Variants in MAP3K9 observed in about 807,000 individuals in gnomAD.
MAP3K9 encodes the protein mixed lineage kinase 1 (tyr and ser/thr specificity).
Under a neutral mutation model 95.8 loss-of-function variants are expected in MAP3K9, and 46 were observed. That is an observed-to-expected ratio of 0.48 (90% confidence interval 0.38 to 0.61). The LOEUF (loss-of-function observed/expected upper bound fraction) is 0.61. Ranked by LOEUF, MAP3K9 falls within the 20% of genes least tolerant of loss-of-function variation. The pLI, the probability that MAP3K9 is intolerant of heterozygous loss-of-function variation, is 0.00. For synonymous variants in MAP3K9, 533 were observed against 593.8 expected (o/e 0.90, Z 1.49); for missense variants, 1,296 against 1,474.3 (o/e 0.88, Z 1.98).
Position 70,738,336 on chromosome 14 carries a change from C to T in MAP3K9, c.1753G>A (p.Glu585Lys), listed in dbSNP as rs1485126606. 1.2e-6 allele frequency: 2 copies of T among 1,614,012 alleles called. No individual in the cohort carries two copies. Among genetic ancestry groups the T allele is most frequent in the East Asian group, 4.5e-5 (2 of 44,880 alleles). ...TTTGGGGCCCTCTTCTCCTCCTCCT[C>T]CCCTTCCTCCTTTGGGACGACTGAG... ...RSSVVPKEEG[E>K]EEEKRAPKKK... Residue 585 changes from glutamate (E) to lysine (K), a missense_variant, in exon 8 of 12, where the codon GAG becomes AAG. Coordinates refer to ENST00000554752, the MANE Select transcript of MAP3K9 (RefSeq NM_001284230.2).
chr14:70,783,360 C>A, intron 2 of MAP3K9: 1 of 985,318 alleles, frequency 1.0e-6, no homozygotes, highest in Non-Finnish European at 1.2e-6. Context: ...CACAGCAACG[C>A]TTCCTCAAAT....
intron 2 of MAP3K9, among the ~76,000 whole-genome samples, chr14:70,768,454 G>C (rs748942640): frequency 3.4e-4 from 51 of 152,092 alleles, no homozygotes; most frequent in Non-Finnish European, 1.8e-4. Flanking sequence ...AAAATGCTGA[G>C]CCTAAGGCCT....
At chr14:70,735,752 G>A (rs967170360) in intron 9 of MAP3K9, among the ~76,000 whole-genome samples, 2 of 152,194 alleles carry the variant, frequency 1.3e-5, no homozygotes, top group African/African-American at 4.8e-5. Context: ...GGAGTGGTCA[G>A]TGGAGTGAAG....
At chr14:70,733,817 A>G (rs1467577903) in intron 10 of MAP3K9, 3 of 718,040 alleles carry the variant, frequency 4.2e-6, no homozygotes, top group Non-Finnish European at 7.8e-6. Flanking sequence ...AAGCAGGCAG[A>G]AAAAGGGGGA....
At chr14:70,790,487 GTGT>G (rs1473092971) in intron 2 of MAP3K9, among the ~76,000 whole-genome samples, 4 of 152,312 alleles carry the variant, frequency 2.6e-5, no homozygotes, top group African/African-American at 4.8e-5. Context: ...CGGCCAGTCA[GTGT>G]CAAGGACAGC....
chr14:70,764,192 C>CAAAAAAAAAAAA (rs71105731), intron 2 of MAP3K9, among the ~76,000 whole-genome samples: 3,851 of 29,380 alleles, frequency 0.13, 895 homozygotes, highest in East Asian at 0.22. Flanking sequence ...GACTCCGTCT[C>CAAAAAAAAAAAA]AAAAAAAAAA....
In MAP3K9 at chr14:70,809,279, C is replaced by T; in HGVS notation, c.-108G>A. 1.6e-6 allele frequency: 2 copies of T among 1,223,762 alleles called. No homozygotes were observed. Among genetic ancestry groups the T allele is most frequent in the Non-Finnish European group, 2.0e-6 (2 of 979,150 alleles). 75.8% of individuals were successfully genotyped at this position (1,223,762 alleles called of 1,614,324 possible). On this transcript the variant is annotated 5_prime_UTR_variant, in exon 1 of 12. Transcript: ENST00000554752. Reference sequence around the variant, plus strand: ...TGGGAGGACCCCCCCCCAACGACGGCGGCCGCAGGTAGGGCCCGGGCTGGC... The same window carrying T: ...TGGGAGGACCCCCCCCCAACGACGGTGGCCGCAGGTAGGGCCCGGGCTGGC...
intron 2 of MAP3K9, among the ~76,000 whole-genome samples, chr14:70,777,951 C>G (rs560709246): frequency 6.1e-4 from 93 of 152,062 alleles, no homozygotes; most frequent in Non-Finnish European, 1.1e-3. Context: ...GTAAAAGATA[C>G]CAACCACTGT....
At position 70,734,437 on chromosome 14, in the gene MAP3K9, C is replaced by A. The variant is rs1369039993; in HGVS notation, c.1975G>T (p.Gly659Cys). The change falls in exon 10 of 12, where the codon GGC (glycine) becomes TGC (cysteine). Residue 659 changes from glycine to cysteine, a missense_variant. Around this residue, in one of 5 missense-constraint regions of MAP3K9, gnomAD observed 377 missense variants for 417.1 expected, o/e 0.90. Transcript: ENST00000554752. ...GGCAGGGCCGGGCTACTCCTTGGGC[C>A]CTTCACCAGGTTGGGGGCACTGGAC... ...WSSSAPNLVK[G>C]PRSSPALPGF... 1.2e-6 allele frequency: 2 copies of A among 1,614,098 alleles called. No homozygotes were observed.
chr14:70,797,759 C>G (rs1287250403), intron 2 of MAP3K9, among the ~76,000 whole-genome samples: 1 of 152,154 alleles, frequency 6.6e-6, no homozygotes, highest in East Asian at 1.9e-4. Flanking sequence ...AAAATACAAT[C>G]ATTTTCAAGT....
intron 1 of MAP3K9, among the ~76,000 whole-genome samples, chr14:70,805,925 T>C (rs1566772160): frequency 2.0e-5 from 3 of 152,142 alleles, no homozygotes; most frequent in Admixed American, 2.0e-4. Context: ...AAAACCTGTC[T>C]CTAAAAATTA....
chr14:70,797,939 G>A (rs2054883144), intron 2 of MAP3K9, among the ~76,000 whole-genome samples: 1 of 152,102 alleles, frequency 6.6e-6, no homozygotes, highest in Admixed American at 6.5e-5. Flanking sequence ...CAGTCCAATG[G>A]ACCATAAACA....
Position 70,733,300 on chromosome 14 carries a change from A to G in MAP3K9, c.2069T>C (p.Leu690Pro). The stretch of plus-strand genomic sequence containing the variant: ...GTAGGACTGGCTGGGTGAATGCTGT[A>G]GGCGACTCTCTCCACTCCCTGGGCC... ...SEGPGSGESR[L>P]QHSPSQSYLC... The change falls in exon 11 of 12, where the codon CTA becomes CCA. Residue 690 changes from leucine to proline, a missense_variant. Transcript: ENST00000554752. 1 of 1,588,822 alleles carries G rather than the reference A, an allele frequency of 6.3e-7. No individual in the cohort carries two copies. Among genetic ancestry groups the G allele is most frequent in the Non-Finnish European group, 8.6e-7 (1 of 1,161,992 alleles).
chr14:70,740,261 G>A lies in MAP3K9; in HGVS notation c.1568-97C>T, dbSNP rs1028272302. 3.0e-6 allele frequency: 4 copies of A among 1,325,084 alleles called. No individual in the cohort carries two copies. In the African/African-American group the frequency reaches 4.5e-5, roughly 15 times the overall value. 82.1% of individuals were successfully genotyped at this position (1,325,084 alleles called of 1,614,324 possible). On this transcript the variant is annotated intron_variant, in intron 6 of 11. Coordinates refer to ENST00000554752, the MANE Select transcript of MAP3K9 (RefSeq NM_001284230.2). ...ATTCCTCAGCATCCTTGAGGGACAG[G>A]CCCCAGTTTCCTGAAAAGCTCTTTG...
At position 70,730,377 on chromosome 14, in the gene MAP3K9, G is replaced by A. The variant is rs150460336; in HGVS notation, c.*3C>T. 1.5e-4 allele frequency: 244 copies of A among 1,597,208 alleles called. 1 individual carries two copies. In the Middle Eastern group the frequency reaches 1.7e-3, roughly 11 times the overall value. On this transcript the variant is annotated 3_prime_UTR_variant, in exon 12 of 12. Transcript: ENST00000554752. ...CCCCTTGCCCGCCCCAATCCTTTTC[G>A]TGCTAAGACCAGAACTCCTGCTGGA... is the stretch of plus-strand genomic sequence containing the variant.
At chr14:70,799,119 C>T (rs1458400022) in intron 2 of MAP3K9, among the ~76,000 whole-genome samples, 4 of 152,014 alleles carry the variant, frequency 2.6e-5, no homozygotes, top group Non-Finnish European at 2.9e-5. Flanking sequence ...GGTTAACTTC[C>T]TCTTCTTTTT....
chr14:70,790,215 T>C (rs1296558114), intron 2 of MAP3K9, among the ~76,000 whole-genome samples: 1 of 152,148 alleles, frequency 6.6e-6, no homozygotes, highest in Non-Finnish European at 1.5e-5. Context: ...TGTCAACTGT[T>C]TTCTCCACTA....
At chr14:70,742,297 C>T in intron 6 of MAP3K9, 54 bp downstream of exon 6, 4 of 1,584,568 alleles carry the variant, frequency 2.5e-6, no homozygotes, top group Non-Finnish European at 3.4e-6. Context: ...AAACCCTCTG[C>T]CACACGAGTT....
chr14:70,764,111 G>A (rs1390149806), intron 2 of MAP3K9, among the ~76,000 whole-genome samples: 2 of 134,256 alleles, frequency 1.5e-5, no homozygotes, highest in Admixed American at 8.2e-5. Context: ...GCGTGAACCC[G>A]GGAAGCGGAG....
Sources: gnomAD v4.1 joint callset for allele counts (sites outside exome capture counted in the v4.1 genomes callset) on GRCh38, gnomAD v4.1.1 for gene constraint, gnomAD v4.1.1 regional missense constraint, MANE v1.5 for transcripts, NCBI Gene and HGNC (gene_info 2026-07-23, HGNC 2026-07-21) for gene names.